SEMA6A: variants seen among roughly 807,000 people sequenced by gnomAD.
SEMA6A encodes the protein semaphorin 6A.
SEMA6A carries 25 observed loss-of-function variants against 96.8 expected under a neutral mutation model. The ratio of observed to expected loss-of-function variants is 0.26; its 90% CI spans 0.19 to 0.36. The LOEUF (loss-of-function observed/expected upper bound fraction) is 0.36, where lower values mean the gene tolerates loss of function less well. SEMA6A is among the 10% of genes least tolerant of loss of function. The pLI is 1.00. For missense variants in SEMA6A, 1,363 were observed against 1,323.1 expected (o/e 1.03, Z -0.47); for synonymous variants, 612 against 518.0 (o/e 1.18, Z -2.46).
chr5:116,462,405 T>C (rs1352377680), intron 18 of SEMA6A, among the ~76,000 whole-genome samples: 1 of 152,134 alleles, frequency 6.6e-6, no homozygotes, highest in East Asian at 1.9e-4. Flanking sequence ...AGATGAAAAG[T>C]GGAAAGGCTT....
chr5:116,455,979 A>C (rs1161794137), intron 18 of SEMA6A, among the ~76,000 whole-genome samples: 2 of 152,218 alleles, frequency 1.3e-5, no homozygotes, highest in African/African-American at 4.8e-5. Context: ...AAACGTGTTA[A>C]TGCTCAATTA....
chr5:116,445,591 A>G lies in SEMA6A; in HGVS notation c.*1022T>C, dbSNP rs908424995. On this transcript the variant is annotated 3_prime_UTR_variant, in exon 19 of 19. Transcript: ENST00000343348. ...ATTGCTTTAGAAATTAGGATCTGGA[A>G]GGACTTTAACATGAATTAGTTTTTT... is the stretch of plus-strand genomic sequence containing the variant. 28 of 152,606 alleles carry G rather than the reference A, an allele frequency of 1.8e-4. No homozygotes were observed. Among genetic ancestry groups the G allele is most frequent in the Admixed American group, 7.8e-4 (12 of 15,306 alleles). 9.5% of individuals were successfully genotyped at this position (152,606 alleles called of 1,614,324 possible). A position where few individuals can be genotyped will look rare whatever the true frequency, so the allele number is the denominator to read the frequency against.
intron 1 of SEMA6A, among the ~76,000 whole-genome samples, chr5:116,535,712 T>C (rs6888580): frequency 0.03 from 4,635 of 152,258 alleles, 235 homozygotes; most frequent in African/African-American, 0.11. Flanking sequence ...CCAGCTATTA[T>C]ATAGGTCATG....
At position 116,482,460 on chromosome 5, in the gene SEMA6A, G is replaced by A; in HGVS notation, c.1078C>T (p.Arg360Ter). Residue 360 changes from arginine (R) to a stop codon, truncating the protein, a stop_gained, in exon 11 of 19, where the codon CGA (arginine) becomes TGA (stop). Coordinates refer to ENST00000343348, the MANE Select transcript of SEMA6A (RefSeq NM_020796.5). LOFTEE classifies it high-confidence loss of function. ...TGCACATACCTGGGCTTAGGAACTCGTTCATCAGGAACTGGTGTCCAGGTG... is the reference window on the plus strand; with the variant it reads ...TGCACATACCTGGGCTTAGGAACTCATTCATCAGGAACTGGTGTCCAGGTG... Reference protein sequence around the residue: ...DSTWTPVPDERVPKPRPGCCA... With the variant: ...DSTWTPVPDE The A allele has an allele frequency of 1.2e-6, 2 of 1,613,262 alleles. No individual in the cohort carries two copies. The highest frequency in any genetic ancestry group is 1.7e-6 in the Non-Finnish European group (2 of 1,179,536).
intron 18 of SEMA6A, chr5:116,449,893 T>C (rs1754513268): frequency 6.6e-6 from 1 of 152,292 alleles, no homozygotes; most frequent in African/African-American, 2.4e-5. Context: ...TTTTAAGGGG[T>C]AGAAACTGAG....
intron 1 of SEMA6A, among the ~76,000 whole-genome samples, chr5:116,551,417 G>A (rs1214560938): frequency 1.3e-5 from 2 of 151,728 alleles, no homozygotes; most frequent in Non-Finnish European, 2.9e-5. Context: ...GATTTGGGGG[G>A]AAATATAAAA....
chr5:116,517,581 A>G (rs1378175885), intron 1 of SEMA6A, among the ~76,000 whole-genome samples: 1 of 152,178 alleles, frequency 6.6e-6, no homozygotes, highest in Admixed American at 6.5e-5. Context: ...TTCATTTCCT[A>G]TGTTCTGGGC....
At position 116,497,421 on chromosome 5, in the gene SEMA6A, C is replaced by T. The variant is rs756478296; in HGVS notation, c.219-34G>A. 18 of 1,346,338 alleles carry T rather than the reference C, an allele frequency of 1.3e-5. No homozygotes were observed. The South Asian group carries it at 2.1e-4, about 15-fold the overall frequency. 83.4% of individuals were successfully genotyped at this position (1,346,338 alleles called of 1,614,324 possible). On this transcript the variant is annotated intron_variant, in intron 3 of 18. Coordinates refer to ENST00000343348, the MANE Select transcript of SEMA6A (RefSeq NM_020796.5). ...AAAGAAAAATTAATACAAGGTCAAA[C>T]ACAGAGTCAAAACAGTTCATTTTCT...
intron 18 of SEMA6A, among the ~76,000 whole-genome samples, chr5:116,457,516 A>G (rs986649503): frequency 5.3e-5 from 8 of 152,194 alleles, no homozygotes; most frequent in Non-Finnish European, 1.2e-4. Context: ...ATGAAATTTA[A>G]AAATAATTGG....
chr5:116,535,091 C>T (rs1460705636), intron 1 of SEMA6A, among the ~76,000 whole-genome samples: 1 of 152,156 alleles, frequency 6.6e-6, no homozygotes, highest in Non-Finnish European at 1.5e-5. Flanking sequence ...GTGTTGGGAG[C>T]AGTGACTAGG....
At chr5:116,493,550 G>A (rs2112739089) in intron 6 of SEMA6A, among the ~76,000 whole-genome samples, 1 of 151,742 alleles carries the variant, frequency 6.6e-6, no homozygotes, top group East Asian at 1.9e-4. Context: ...GAATTTTTTG[G>A]TGAACCCTTC....
intron 1 of SEMA6A, among the ~76,000 whole-genome samples, chr5:116,535,145 T>G (rs916899628): frequency 3.7e-4 from 56 of 152,210 alleles, no homozygotes; most frequent in African/African-American, 1.3e-3. Context: ...AATGGACTGC[T>G]GCTAGCTCAG....
chr5:116,540,064 C>T (rs1759892157), intron 1 of SEMA6A, among the ~76,000 whole-genome samples: 1 of 152,056 alleles, frequency 6.6e-6, no homozygotes, highest in Non-Finnish European at 1.5e-5. Context: ...AAACTGCATA[C>T]GTTTTACAAA....
chr5:116,532,057 T>C (rs149451407), intron 1 of SEMA6A, among the ~76,000 whole-genome samples: 38 of 152,304 alleles, frequency 2.5e-4, no homozygotes, highest in Non-Finnish European at 4.4e-4. Context: ...GCTCTCACCA[T>C]TACTGTATTT....
At chr5:116,537,784 A>C (rs1052742710) in intron 1 of SEMA6A, among the ~76,000 whole-genome samples, 25 of 152,194 alleles carry the variant, frequency 1.6e-4, no homozygotes, top group Admixed American at 6.5e-5. Flanking sequence ...CACAGAGAAT[A>C]ACCATATAAG....
At chr5:116,509,208 T>C (rs1580453975) in intron 1 of SEMA6A, among the ~76,000 whole-genome samples, 1 of 152,214 alleles carries the variant, frequency 6.6e-6, no homozygotes, top group South Asian at 2.1e-4. Context: ...TAATAAGTGA[T>C]AGTGACGTGA....
intron 1 of SEMA6A, among the ~76,000 whole-genome samples, chr5:116,551,751 A>G (rs573090865): frequency 6.6e-6 from 1 of 152,292 alleles, no homozygotes; most frequent in African/African-American, 2.4e-5. Context: ...GTTCAGATAT[A>G]ATAGGTATCT....
chr5:116,549,384 C>A (rs115159776), intron 1 of SEMA6A, among the ~76,000 whole-genome samples: 2 of 152,084 alleles, frequency 1.3e-5, no homozygotes, highest in Non-Finnish European at 2.9e-5. Flanking sequence ...ATGCTTATCT[C>A]CTGGAGAAGA....
At chr5:116,497,447 G>T (rs1372804466) in intron 3 of SEMA6A, 60 bp from the exon 4 acceptor site, 1 of 1,031,320 alleles carries the variant, frequency 9.7e-7, no homozygotes, top group Non-Finnish European at 1.5e-6. Flanking sequence ...TTCATTTTCT[G>T]CTTAATGAGT....
Sources: gnomAD v4.1 joint callset for allele counts (sites outside exome capture counted in the v4.1 genomes callset) on GRCh38, gnomAD v4.1.1 for gene constraint, MANE v1.5 for transcripts, NCBI Gene and HGNC (gene_info 2026-07-23, HGNC 2026-07-21) for gene names.